Variants in TSHZ2 observed in about 807,000 individuals in gnomAD.
TSHZ2 encodes the protein teashirt zinc finger homeobox 2, also known as teashirt homolog 2.
Under a neutral mutation model 74.4 loss-of-function variants are expected in TSHZ2, and 21 were observed. The ratio of observed to expected loss-of-function variants is 0.28; its 90% CI spans 0.20 to 0.41. The LOEUF (loss-of-function observed/expected upper bound fraction) is 0.41. Ranked by LOEUF, TSHZ2 falls within the 10% of genes least tolerant of loss-of-function variation. The pLI is 1.00. For missense variants in TSHZ2, 1,244 were observed against 1,293.5 expected (o/e 0.96, Z 0.59); for synonymous variants, 540 against 515.3 (o/e 1.05, Z -0.65).
At chr20:53,244,068 T>G (rs991476781) in intron 1 of TSHZ2, among the ~76,000 whole-genome samples, 3 of 152,218 alleles carry the variant, frequency 2.0e-5, no homozygotes, top group Non-Finnish European at 4.4e-5. Flanking sequence ...CAAGATCACC[T>G]TCTAGCTCTG....
At chr20:53,240,003 T>C (rs16997787) in intron 1 of TSHZ2, among the ~76,000 whole-genome samples, 16,004 of 152,176 alleles carry the variant, frequency 0.11, 989 homozygotes, top group African/African-American at 0.17. Flanking sequence ...GTTCATGAAA[T>C]TTCAAAGTAC....
At chr20:53,444,254 A>T (rs1984461695) in intron 2 of TSHZ2, among the ~76,000 whole-genome samples, 1 of 152,144 alleles carries the variant, frequency 6.6e-6, no homozygotes, top group Non-Finnish European at 1.5e-5. Flanking sequence ...ATTCTAGCAT[A>T]TTCTGGAAAC....
chr20:52,978,613 A>G (rs544524591), intron 1 of TSHZ2, among the ~76,000 whole-genome samples: 1 of 152,294 alleles, frequency 6.6e-6, no homozygotes, highest in African/African-American at 2.4e-5. Context: ...ACATTTAACT[A>G]ACAGTTAAAT....
At chr20:53,377,186 C>T (rs879706486) in intron 2 of TSHZ2, among the ~76,000 whole-genome samples, 5 of 152,164 alleles carry the variant, frequency 3.3e-5, no homozygotes, top group Admixed American at 6.5e-5. Context: ...TTTTACAGTC[C>T]CTTTCAAGAA....
chr20:53,390,372 G>A (rs545306260), intron 2 of TSHZ2, among the ~76,000 whole-genome samples: 122 of 152,270 alleles, frequency 8.0e-4, no homozygotes, highest in African/African-American at 2.8e-3. Flanking sequence ...TACACTAGTG[G>A]TGTGAAAAGG....
chr20:53,034,538 A>G (rs945625810), intron 1 of TSHZ2, among the ~76,000 whole-genome samples: 2 of 152,218 alleles, frequency 1.3e-5, no homozygotes, highest in Non-Finnish European at 2.9e-5. Flanking sequence ...CTTTTGGTGA[A>G]ATAGAATTTC....
intron 2 of TSHZ2, among the ~76,000 whole-genome samples, chr20:53,478,301 G>A (rs912863876): frequency 3.3e-5 from 5 of 151,352 alleles, no homozygotes; most frequent in African/African-American, 1.2e-4. Flanking sequence ...AGAAAATGTG[G>A]CACATATACA....
At chr20:53,222,340 C>T (rs1179606506) in intron 1 of TSHZ2, among the ~76,000 whole-genome samples, 1 of 152,214 alleles carries the variant, frequency 6.6e-6, no homozygotes, top group African/African-American at 2.4e-5. Flanking sequence ...TCTACAGACA[C>T]TCAGCTTTCA....
rs924924195 is a variant in TSHZ2, at chr20:53,105,992, G to A, written c.40+132659G>A. On this transcript the variant is annotated intron_variant, in intron 1 of 2. Transcript: ENST00000371497. ...GCAAATAATAATTGTACATATTTAT[G>A]GGGTACGATGTGACGCTTTGATACA... 2.0e-5 allele frequency among the ~76,000 whole-genome samples: 3 copies of A among 152,092 alleles called. No homozygotes were observed. The South Asian group carries it at 6.2e-4, about 32-fold the overall frequency.
At chr20:53,251,559 T>G (rs1990332301) in intron 1 of TSHZ2, among the ~76,000 whole-genome samples, 1 of 152,184 alleles carries the variant, frequency 6.6e-6, no homozygotes, top group Non-Finnish European at 1.5e-5. Flanking sequence ...TAGTTGTTGT[T>G]TTTTTCAAAC....
chr20:53,442,499 C>T (rs1317396879), intron 2 of TSHZ2, among the ~76,000 whole-genome samples: 2 of 152,134 alleles, frequency 1.3e-5, no homozygotes, highest in African/African-American at 4.8e-5. Context: ...TGCACGGATT[C>T]TATTAGGGAA....
chr20:53,213,400 T>C (rs1161083602), intron 1 of TSHZ2, among the ~76,000 whole-genome samples: 1 of 152,190 alleles, frequency 6.6e-6, no homozygotes, highest in Non-Finnish European at 1.5e-5. Flanking sequence ...GATGCTTCGT[T>C]ACAACTAGAG....
chr20:53,176,976 C>T (rs1407101530), intron 1 of TSHZ2, among the ~76,000 whole-genome samples: 2 of 152,176 alleles, frequency 1.3e-5, no homozygotes, highest in African/African-American at 4.8e-5. Context: ...CGAGCCATCG[C>T]ACCCAGCCAG....
At chr20:53,465,269 T>TTGTGTGTGTG (rs149559919) in intron 2 of TSHZ2, among the ~76,000 whole-genome samples, 22 of 150,678 alleles carry the variant, frequency 1.5e-4, no homozygotes, top group African/African-American at 5.4e-4. Context: ...GTTATTACTT[T>TTGTGTGTGTG]TGTGTGTGTG....
At chr20:53,216,245 C>T (rs1989431513) in intron 1 of TSHZ2, among the ~76,000 whole-genome samples, 1 of 152,200 alleles carries the variant, frequency 6.6e-6, no homozygotes, top group African/African-American at 2.4e-5. Flanking sequence ...ATTGCTGGTC[C>T]TGTTGTCTTC....
intron 2 of TSHZ2, among the ~76,000 whole-genome samples, chr20:53,270,100 A>C (rs1458768764): frequency 6.6e-6 from 1 of 152,134 alleles, no homozygotes; most frequent in African/African-American, 2.4e-5. Context: ...GGTATGGTGG[A>C]GATGCCTTTG....
intron 1 of TSHZ2, among the ~76,000 whole-genome samples, chr20:53,039,925 G>A (rs1983975927): frequency 6.6e-6 from 1 of 152,118 alleles, no homozygotes; most frequent in South Asian, 2.1e-4. Flanking sequence ...GGCTAACACA[G>A]TGAAACCCTG....
rs1427877625 is a variant in TSHZ2, at chr20:53,292,480, C to T, written c.*8+35909C>T. Among the ~76,000 whole-genome samples the T allele has an allele frequency of 3.4e-5, 5 of 146,450 alleles. No individual in the cohort carries two copies. The East Asian group carries it at 6.0e-4, about 17-fold the overall frequency. ...TTTTTTTTTTTGAGACAGGGTCTTG[C>T]TCTGCTGCCCAGGCTGAAGTGCAGT... On this transcript the variant is annotated intron_variant, in intron 2 of 2. Coordinates refer to ENST00000371497, the MANE Select transcript of TSHZ2 (RefSeq NM_173485.6).
At position 53,199,230 on chromosome 20, in the gene TSHZ2, G is replaced by A. The variant is rs777013524; in HGVS notation, c.41-54269G>A. On this transcript the variant is annotated intron_variant, in intron 1 of 2. Coordinates refer to ENST00000371497, the MANE Select transcript of TSHZ2 (RefSeq NM_173485.6). The stretch of plus-strand genomic sequence containing the variant: ...TCAAGACATGTGGCTGGGAGCAGTG[G>A]CTTGTTCCTGTAATCCCAGCACTTT... Among the ~76,000 whole-genome samples the A allele has an allele frequency of 1.2e-4, 18 of 152,326 alleles. 1 individual carries two copies. Among genetic ancestry groups the A allele is most frequent in the Middle Eastern group, 3.4e-3 (1 of 294 alleles).
Sources: allele counts gnomAD v4.1 joint callset (sites outside exome capture counted in the v4.1 genomes callset), GRCh38; gene constraint gnomAD v4.1.1; transcripts MANE v1.5; gene names NCBI Gene and HGNC (gene_info 2026-07-23, HGNC 2026-07-21).